Variants in ABCE1 observed in about 807,000 individuals in gnomAD.
ABCE1 encodes ATP binding cassette subfamily E member 1.
A neutral mutation model predicts 83.4 loss-of-function variants in ABCE1; 22 were observed. The ratio of observed to expected loss-of-function variants is 0.26; its 90% confidence interval spans 0.19 to 0.38. ABCE1 has a LOEUF of 0.38. Ranked by LOEUF, ABCE1 falls within the 10% of genes least tolerant of loss-of-function variation. The probability of loss-of-function intolerance (pLI) is 1.00; values close to 1 mark genes in which losing one functional copy is unlikely to be tolerated. For synonymous variants in ABCE1, 204 were observed against 233.7 expected (o/e 0.87, Z 1.16); for missense variants, 330 against 721.9 (o/e 0.46, Z 6.22).
Position 145,105,653 on chromosome 4 carries a change from C to A in ABCE1, c.152C>A (p.Ser51Tyr). Residue 51 changes from serine to tyrosine, a missense_variant, in exon 3 of 18, where the codon TCC (serine) becomes TAC (tyrosine). Coordinates refer to ENST00000296577, the MANE Select transcript of ABCE1 (RefSeq NM_002940.3). ...CCCCAGAGCAAAATAGCATGGATTT[C>A]CGAAACTCTTTGTATTGGTTGTGGT... The part of the protein sequence containing the change: ...VTPQSKIAWI[S>Y]ETLCIGCGIC... The A allele has an allele frequency of 6.2e-7, 1 of 1,608,720 alleles. No homozygotes were observed. The highest frequency in any genetic ancestry group is 8.5e-7 in the Non-Finnish European group (1 of 1,176,590).
At chr4:145,109,635 G>A (rs1415642219) in intron 5 of ABCE1, among the ~76,000 whole-genome samples, 2 of 152,158 alleles carry the variant, frequency 1.3e-5, no homozygotes, top group Non-Finnish European at 2.9e-5. Flanking sequence ...GAGCCACTGT[G>A]TAATGTTCTT....
At position 145,121,163 on chromosome 4, in the gene ABCE1, T is replaced by G; in HGVS notation, c.1145-11T>G. The G allele has an allele frequency of 6.2e-7, 1 of 1,612,946 alleles. No homozygotes were observed. Among genetic ancestry groups the G allele is most frequent in the Non-Finnish European group, 8.5e-7 (1 of 1,179,812 alleles). On this transcript the variant is annotated splice_polypyrimidine_tract_variant and intron_variant, in intron 11 of 17. Transcript: ENST00000296577. ...TCTTTCAGATCAAACTGTCATATGT[T>G]GTGTTGCCAGGAACGGGTAAAACGA...
intron 13 of ABCE1, chr4:145,122,011 C>T (rs1749760444): frequency 6.6e-6 from 1 of 152,170 alleles, no homozygotes; most frequent in African/African-American, 2.4e-5. Flanking sequence ...AACATTTGCA[C>T]ATCATATATC....
At chr4:145,124,909 T>C in intron 16 of ABCE1, 81 bp from the exon 17 acceptor site, 1 of 959,270 alleles carries the variant, frequency 1.0e-6, no homozygotes, top group East Asian at 2.4e-5. Flanking sequence ...GTAATAGTAA[T>C]TCTTAATACC....
Position 145,127,569 on chromosome 4 carries a change from A to G in ABCE1, c.1796A>G (p.Asp599Gly). 3 of 1,567,624 alleles carry G rather than the reference A, an allele frequency of 1.9e-6. No homozygotes were observed. Among genetic ancestry groups the G allele is most frequent in the Non-Finnish European group, 2.6e-6 (3 of 1,164,858 alleles). ...KKSGNYFFLD[D>G] Reference sequence around the variant, plus strand: ...AGTGGAAACTACTTTTTCTTGGATGATTAGACTGACTCTGAGAATATTGAT... The same window carrying G: ...AGTGGAAACTACTTTTTCTTGGATGGTTAGACTGACTCTGAGAATATTGAT... Residue 599 changes from aspartate (D) to glycine (G), a missense_variant, in exon 18 of 18, where the codon GAT becomes GGT. Physicochemically the swap from Asp to Gly is moderately conservative, Grantham distance 94. Transcript: ENST00000296577.
In ABCE1 at chr4:145,121,524, T is replaced by C. The variant is rs1035402885; in HGVS notation, c.1263+133T>C. The C allele has an allele frequency of 4.5e-6, 3 of 663,686 alleles. No homozygotes were observed. In the African/African-American group the frequency reaches 5.5e-5, roughly 12 times the overall value. 41.1% of individuals were successfully genotyped at this position (663,686 alleles called of 1,614,324 possible). A position where few individuals can be genotyped will look rare whatever the true frequency, so the allele number is the denominator to read the frequency against. On this transcript the variant is annotated intron_variant, in intron 13 of 17. Coordinates refer to ENST00000296577, the MANE Select transcript of ABCE1 (RefSeq NM_002940.3). The stretch of plus-strand genomic sequence containing the variant: ...TTTTATTGATAGTTGCAAACAAATG[T>C]ATTAAGAGTCCAATCCTTGATTCAT...
In ABCE1 at chr4:145,121,311, T is replaced by C. The variant is rs374072856; in HGVS notation, c.1205-22T>C. Reference sequence around the variant, plus strand: ...AAGATCTGGGCAGTTTTTAGTGTCTTATGTATTTCATTATTTTGCAGGAGA... The same window carrying C: ...AAGATCTGGGCAGTTTTTAGTGTCTCATGTATTTCATTATTTTGCAGGAGA... On this transcript the variant is annotated intron_variant, in intron 12 of 17. Coordinates refer to ENST00000296577, the MANE Select transcript of ABCE1 (RefSeq NM_002940.3). 9 of 1,612,832 alleles carry C rather than the reference T, an allele frequency of 5.6e-6. No individual in the cohort carries two copies. The East Asian group carries it at 6.7e-5, about 12-fold the overall frequency.
At chr4:145,123,663 T>C (rs1749801015) in intron 16 of ABCE1, 63 bp downstream of exon 16, 1 of 1,455,386 alleles carries the variant, frequency 6.9e-7, no homozygotes, top group South Asian at 1.3e-5. Context: ...AATAGTAAAG[T>C]CACTCACTTT....
chr4:145,117,217 A>C (rs1053999383), intron 9 of ABCE1, 76 bp from the exon 10 acceptor site: 303 of 1,278,682 alleles, frequency 2.4e-4, no homozygotes, highest in Non-Finnish European at 3.1e-4. Flanking sequence ...TATTAGATGT[A>C]TCTCTTTTTC....
At chr4:145,100,113 T>A (rs1022781533) in intron 1 of ABCE1, among the ~76,000 whole-genome samples, 2 of 152,236 alleles carry the variant, frequency 1.3e-5, no homozygotes, top group Non-Finnish European at 2.9e-5. Context: ...GAATCCATGT[T>A]CATTTTTCTT....
chr4:145,100,073 G>T (rs551792250), intron 1 of ABCE1, among the ~76,000 whole-genome samples: 27 of 152,258 alleles, frequency 1.8e-4, no homozygotes, highest in African/African-American at 5.8e-4. Context: ...AATTAAAAGT[G>T]TTCACACAGT....
At chr4:145,117,448 T>G (rs1338364964) in intron 10 of ABCE1, 34 bp downstream of exon 10, 2 of 1,601,472 alleles carry the variant, frequency 1.2e-6, no homozygotes, top group East Asian at 4.5e-5. Context: ...ATATGCTGTA[T>G]TCTCTTCTAC....
chr4:145,098,703 C>T (rs1268998501), intron 1 of ABCE1, among the ~76,000 whole-genome samples: 3 of 152,246 alleles, frequency 2.0e-5, no homozygotes, highest in Non-Finnish European at 4.4e-5. Context: ...GTAGTCTCCA[C>T]TCCCCCTTTA....
At chr4:145,113,959 A>G (rs892804751) in intron 9 of ABCE1, among the ~76,000 whole-genome samples, 10 of 152,208 alleles carry the variant, frequency 6.6e-5, no homozygotes, top group Admixed American at 5.2e-4. Flanking sequence ...ATTTACATAT[A>G]TCTTAATAGT....
In ABCE1 at chr4:145,113,244, C is replaced by T. The variant is rs140162758; in HGVS notation, c.800+916C>T. On this transcript the variant is annotated intron_variant, in intron 9 of 17. Coordinates refer to ENST00000296577, the MANE Select transcript of ABCE1 (RefSeq NM_002940.3). The stretch of plus-strand genomic sequence containing the variant: ...AAGGACTGCTTTCTCACTGAAAGGG[C>T]GAATTAGAAACAACTTGTCTATCAT... Among the ~76,000 whole-genome samples the T allele has an allele frequency of 8.5e-5, 13 of 152,208 alleles. No individual in the cohort carries two copies. In the East Asian group the frequency reaches 2.1e-3, roughly 25 times the overall value.
chr4:145,100,343 T>G (rs1749110240), intron 1 of ABCE1, among the ~76,000 whole-genome samples: 1 of 152,234 alleles, frequency 6.6e-6, no homozygotes, highest in Non-Finnish European at 1.5e-5. Flanking sequence ...GCAAGATCCC[T>G]GTGTCTTTTT....
chr4:145,100,298 G>A lies in ABCE1; in HGVS notation c.-28+1879G>A, dbSNP rs115468801. On this transcript the variant is annotated intron_variant, in intron 1 of 17. Coordinates refer to ENST00000296577, the MANE Select transcript of ABCE1 (RefSeq NM_002940.3). ...GAGCCCAGGAGTCCCAGTCTGTAGT[G>A]TCCTGTGATCACTGCCCTCAGCCAG... is the stretch of plus-strand genomic sequence containing the variant. Among the ~76,000 whole-genome samples the A allele has an allele frequency of 4.4e-3, 673 of 152,292 alleles. 9 individuals are homozygous for A. The highest frequency in any genetic ancestry group is 0.015 in the African/African-American group (621 of 41,550).
intron 4 of ABCE1, 32 bp downstream of exon 4, chr4:145,108,144 CAAGTT>C (rs760033937): frequency 1.2e-5 from 19 of 1,577,174 alleles, no homozygotes; most frequent in Admixed American, 1.7e-5. Context: ...CCTCTTCTGT[CAAGTT>C]AAGAGTAAAA....
At chr4:145,101,058 G>GAT (rs1749137819) in intron 1 of ABCE1, among the ~76,000 whole-genome samples, 2 of 150,372 alleles carry the variant, frequency 1.3e-5, no homozygotes, top group Non-Finnish European at 2.9e-5. Flanking sequence ...ATATACACCA[G>GAT]ATATATATAA....
Sources: gnomAD v4.1 joint callset for allele counts (sites outside exome capture counted in the v4.1 genomes callset) on GRCh38, gnomAD v4.1.1 for gene constraint, MANE v1.5 for transcripts, NCBI Gene and HGNC (gene_info 2026-07-23, HGNC 2026-07-21) for gene names.